The following SCN2A variants were observed in gnomAD, a reference collection of about 807,000 sequenced individuals.
The protein encoded by SCN2A is sodium channel protein type 2 subunit alpha.
In SCN2A, 20 loss-of-function variants were observed where a neutral mutation model predicts 188.7. The observed-to-expected ratio is 0.11, with a 90% CI of 0.07 to 0.15. SCN2A has a LOEUF of 0.15. Ranked by LOEUF, SCN2A falls within the 10% of genes least tolerant of loss-of-function variation. The pLI is 1.00. For synonymous variants in SCN2A, 804 were observed against 833.1 expected, an observed-to-expected ratio of 0.97 and a Z score of 0.60; for missense variants, 1,278 against 2,445.0, an observed-to-expected ratio of 0.52 and a Z score of 10.07.
chr2:165,374,332 T>C (rs1701199545), intron 21 of SCN2A, among the ~76,000 whole-genome samples: 1 of 152,116 alleles, frequency 6.6e-6, no homozygotes. Flanking sequence ...GGACAGCAAA[T>C]TGTATGGTTT....
In SCN2A at chr2:165,323,437, T is replaced by C. The variant is rs199722574; in HGVS notation, c.1953T>C (p.Asn651=). The C allele has an allele frequency of 1.7e-5, 27 of 1,613,962 alleles. No individual in the cohort carries two copies. In the African/African-American group the frequency reaches 3.3e-4, roughly 20 times the overall value. ...NGKMHSAVDC[N]GVVSLVGGPS... ...AGATGCATAGCGCTGTGGACTGCAA[T>C]GGTGTGGTCTCCCTGGTCGGGGGCC... Residue 651 remains asparagine (N), a synonymous_variant, in exon 12 of 27, where the codon AAT becomes AAC. Coordinates refer to ENST00000375437, the MANE Select transcript of SCN2A (RefSeq NM_001040142.2).
chr2:165,306,677 A>T (rs935691486), intron 3 of SCN2A, among the ~76,000 whole-genome samples: 18 of 151,872 alleles, frequency 1.2e-4, no homozygotes, highest in Admixed American at 3.3e-4. Context: ...ATTAAAAAAT[A>T]ATAATTATTA....
At chr2:165,312,198 A>G in intron 8 of SCN2A, 110 bp downstream of exon 8, 1 of 792,914 alleles carries the variant, frequency 1.3e-6, no homozygotes, top group Non-Finnish European at 2.2e-6. Flanking sequence ...AACCCTCCAT[A>G]AATTCTACTT....
chr2:165,302,735 T>C (rs1046568012), intron 3 of SCN2A, among the ~76,000 whole-genome samples: 2 of 152,156 alleles, frequency 1.3e-5, no homozygotes, highest in African/African-American at 4.8e-5. Flanking sequence ...GGTTCATTGC[T>C]CTAAATCTCA....
intron 1 of SCN2A, among the ~76,000 whole-genome samples, chr2:165,256,640 A>G (rs1280379998): frequency 6.6e-6 from 1 of 152,206 alleles, no homozygotes; most frequent in Non-Finnish European, 1.5e-5. Context: ...CTATTTTTAC[A>G]GGTATCCACG....
intron 23 of SCN2A, among the ~76,000 whole-genome samples, chr2:165,380,100 G>T (rs1056839280): frequency 4.6e-5 from 7 of 151,694 alleles, no homozygotes; most frequent in African/African-American, 1.5e-4. Context: ...ATTACTACTG[G>T]CCGCCACTGT....
chr2:165,350,248 C>T (rs994472848), intron 16 of SCN2A, among the ~76,000 whole-genome samples: 9 of 152,264 alleles, frequency 5.9e-5, no homozygotes, highest in Admixed American at 5.9e-4. Flanking sequence ...AAGGTTTTGG[C>T]TTCCTCTCAC....
At chr2:165,365,408 C>A in intron 18 of SCN2A, 145 bp downstream of exon 18, 1 of 821,138 alleles carries the variant, frequency 1.2e-6, no homozygotes, top group South Asian at 2.3e-5. Context: ...TAGTAATCAT[C>A]TATACCTATC....
intron 14 of SCN2A, among the ~76,000 whole-genome samples, chr2:165,341,118 G>A (rs901118083): frequency 6.6e-6 from 1 of 152,134 alleles, no homozygotes; most frequent in Non-Finnish European, 1.5e-5. Flanking sequence ...TTTTGAGACG[G>A]AGTCTTGCTC....
chr2:165,353,225 A>G (rs1435091203), intron 16 of SCN2A, among the ~76,000 whole-genome samples: 5 of 152,154 alleles, frequency 3.3e-5, no homozygotes. Context: ...ATTATTGTAT[A>G]ATAACCATTT....
At chr2:165,360,203 G>A (rs989643340) in intron 17 of SCN2A, among the ~76,000 whole-genome samples, 1 of 151,734 alleles carries the variant, frequency 6.6e-6, no homozygotes, top group African/African-American at 2.4e-5. Context: ...AAGTGAGTGT[G>A]CCCATGAAAA....
chr2:165,311,398 T>C lies in SCN2A; in HGVS notation c.971-627T>C, dbSNP rs138151232. ...AAAATAAAAACTAGATAGCTCTCCA[T>C]AGCTTAAAAATAAAAACTAGATATA... is the stretch of plus-strand genomic sequence containing the variant. On this transcript the variant is annotated intron_variant, in intron 7 of 26. Transcript: ENST00000375437. Among the ~76,000 whole-genome samples the C allele has an allele frequency of 7.8e-3, 1,189 of 152,196 alleles. 11 individuals carry two copies. Among genetic ancestry groups the C allele is most frequent in the African/African-American group, 0.028 (1,148 of 41,544 alleles).
intron 17 of SCN2A, among the ~76,000 whole-genome samples, chr2:165,361,677 G>A (rs1438298829): frequency 6.6e-6 from 1 of 152,014 alleles, no homozygotes; most frequent in South Asian, 2.1e-4. Flanking sequence ...GTGCTGCTCC[G>A]CTTCAGAAGA....
intron 14 of SCN2A, among the ~76,000 whole-genome samples, chr2:165,333,754 A>G (rs1303506998): frequency 6.6e-6 from 1 of 151,840 alleles, no homozygotes; most frequent in East Asian, 1.9e-4. Context: ...AGAATAGCAA[A>G]TTAAACCTGA....
At chr2:165,351,274 C>T (rs991631946) in intron 16 of SCN2A, among the ~76,000 whole-genome samples, 26 of 151,958 alleles carry the variant, frequency 1.7e-4, no homozygotes, top group African/African-American at 4.4e-4. Flanking sequence ...TGTGTCACCA[C>T]GGGTAGATTG....
chr2:165,370,151 A>G lies in SCN2A; in HGVS notation c.3701A>G (p.Gln1234Arg), dbSNP rs757322474. The change falls in exon 20 of 27, where the codon CAG becomes CGG. Residue 1234 changes from glutamine to arginine, a missense_variant. Around this residue, in one of 17 missense-constraint regions of SCN2A, gnomAD observed 228 missense variants for 297.3 expected, o/e 0.77. Transcript: ENST00000375437. ...ALAFEDIYIE[Q>R]RKTIKTMLEY... ...GCCTTTGAAGATATATACATTGAGC[A>G]GCGAAAAACCATTAAGACCATGTTA... is the stretch of plus-strand genomic sequence containing the variant. 6 of 1,614,142 alleles carry G rather than the reference A, an allele frequency of 3.7e-6. No homozygotes were observed. Among genetic ancestry groups the G allele is most frequent in the Non-Finnish European group, 4.2e-6 (5 of 1,179,974 alleles).
chr2:165,274,524 A>G (rs185243041), intron 1 of SCN2A, among the ~76,000 whole-genome samples: 1 of 152,330 alleles, frequency 6.6e-6, no homozygotes, highest in African/African-American at 2.4e-5. Flanking sequence ...ATAGAAAAAT[A>G]CATTACCAAA....
intron 25 of SCN2A, among the ~76,000 whole-genome samples, chr2:165,384,024 T>G (rs943131553): frequency 2.8e-4 from 42 of 151,894 alleles, no homozygotes; most frequent in Non-Finnish European, 1.0e-4. Context: ...GAGGAAAAGA[T>G]CGAAGACAGA....
rs1702143610 is a variant in SCN2A, at chr2:165,392,165, C to T, written c.*2341C>T. The T allele has an allele frequency of 6.6e-6, 1 of 152,398 alleles. No homozygotes were observed. Among genetic ancestry groups the T allele is most frequent in the Admixed American group, 6.6e-5 (1 of 15,232 alleles). The allele number at this position is 152,398 out of a possible 1,614,324, so 9.4% of individuals were successfully genotyped here. On this transcript the variant is annotated 3_prime_UTR_variant, in exon 27 of 27. Transcript: ENST00000375437. ...AGAACACACATTAATTACTATAATT[C>T]ATCTTTCAATTTTTTCATGGAATGG...
Sources: allele counts gnomAD v4.1 joint callset (sites outside exome capture counted in the v4.1 genomes callset), GRCh38; gene constraint gnomAD v4.1.1; regional missense constraint gnomAD v4.1.1; transcripts MANE v1.5; gene names NCBI Gene and HGNC (gene_info 2026-07-23, HGNC 2026-07-21).